The following NEXN variants were observed in gnomAD, a reference collection of about 807,000 sequenced individuals.
NEXN encodes the protein nexilin F-actin binding protein, also known as nexilin.
A neutral mutation model predicts 92.6 loss-of-function variants in NEXN; 65 were observed. The ratio of observed to expected loss-of-function variants is 0.70; its 90% confidence interval spans 0.57 to 0.86. The LOEUF is 0.86. Among genes scored for constraint, NEXN ranks in the 40% least tolerant of loss-of-function variants. The pLI is 0.00. For missense variants in NEXN, 778 were observed against 771.1 expected (o/e 1.01, Z -0.11); for synonymous variants, 254 against 242.5 (o/e 1.05, Z -0.44).
intron 9 of NEXN, chr1:77,931,827 A>G (rs979780816): frequency 6.6e-6 from 1 of 152,200 alleles, no homozygotes; most frequent in Non-Finnish European, 1.5e-5. Context: ...TAAAACTTGG[A>G]GCAAATGAAT....
At chr1:77,905,218 C>T (rs557087203) in intron 1 of NEXN, among the ~76,000 whole-genome samples, 66 of 150,860 alleles carry the variant, frequency 4.4e-4, no homozygotes, top group Non-Finnish European at 5.2e-4. Context: ...GCAGAGATTG[C>T]GCCATTGCCC....
In NEXN at chr1:77,942,081, T is replaced by C. The variant is rs781527902; in HGVS notation, c.1532T>C (p.Val511Ala). Residue 511 changes from valine to alanine, a missense_variant, in exon 12 of 13, where the codon GTG becomes GCG. Physicochemically the swap from Val to Ala is moderately conservative, Grantham distance 64 (BLOSUM62 0). Around this residue, in one of 3 missense-constraint regions of NEXN, gnomAD observed 532 missense variants for 476.7 expected, o/e 1.12. Transcript: ENST00000334785. ...AGCGAGGCTCCATTTACTCACAAAG[T>C]GAATATGAAAGCTAGATTTGAACAA... is the stretch of plus-strand genomic sequence containing the variant. ...RKSEAPFTHKVNMKARFEQMA... is the reference protein window; with the variant it reads ...RKSEAPFTHKANMKARFEQMA... The C allele has an allele frequency of 1.9e-6, 3 of 1,613,468 alleles. No individual in the cohort carries two copies. Among genetic ancestry groups the C allele is most frequent in the Non-Finnish European group, 2.5e-6 (3 of 1,179,678 alleles).
chr1:77,895,511 G>T (rs1647215647), intron 1 of NEXN, among the ~76,000 whole-genome samples: 1 of 152,194 alleles, frequency 6.6e-6, no homozygotes, highest in Admixed American at 6.5e-5. Context: ...TCCAAAGACT[G>T]TAAGAATTAG....
chr1:77,918,063 T>A (rs1649116135), intron 4 of NEXN, 25 bp downstream of exon 4: 3 of 1,612,534 alleles, frequency 1.9e-6, no homozygotes, highest in South Asian at 1.1e-5. Context: ...GGGTAAATAG[T>A]AAATTAAATT....
chr1:77,930,350 A>G (rs1273893679), intron 9 of NEXN, among the ~76,000 whole-genome samples: 1 of 152,108 alleles, frequency 6.6e-6, no homozygotes, highest in Non-Finnish European at 1.5e-5. Flanking sequence ...TACCTCCTAA[A>G]TCACTATGAA....
chr1:77,933,420 A>AC lies in NEXN; in HGVS notation c.1192_1193insC (p.Lys398ThrfsTer3). ...AAAACGACGAACAGAGGAGGAACGGAAGCATAAGCTAGAAATGGAGAAACA... is the reference window on the plus strand; with the variant it reads ...AAAACGACGAACAGAGGAGGAACGGACAGCATAAGCTAGAAATGGAGAAACA... On this transcript the variant is annotated frameshift_variant, in exon 10 of 13. Transcript: ENST00000334785. LOFTEE classifies it high-confidence loss of function. 6.2e-7 allele frequency: 1 copy of AC among 1,613,560 alleles called. No individual in the cohort carries two copies.
At position 77,943,688 on chromosome 1, in the gene NEXN, C is replaced by G. The variant is rs534638271; in HGVS notation, c.*859C>G. 4 of 152,084 alleles carry G rather than the reference C, an allele frequency of 2.6e-5. No homozygotes were observed. The East Asian group carries it at 7.7e-4, about 29-fold the overall frequency. 9.4% of individuals were successfully genotyped at this position (152,084 alleles called of 1,614,324 possible). Reference sequence around the variant, plus strand: ...TTAATAGTTCACGCAAGAGAAAACACTTTCAACATAGTCGAAGGCTTCAAG... The same window carrying G: ...TTAATAGTTCACGCAAGAGAAAACAGTTTCAACATAGTCGAAGGCTTCAAG... On this transcript the variant is annotated 3_prime_UTR_variant, in exon 13 of 13. Transcript: ENST00000334785.
intron 11 of NEXN, among the ~76,000 whole-genome samples, chr1:77,939,868 G>A (rs1279820065): frequency 1.3e-5 from 2 of 152,192 alleles, no homozygotes; most frequent in African/African-American, 4.8e-5. Context: ...GAGGTCAGGA[G>A]TTCGAGACCA....
intron 1 of NEXN, among the ~76,000 whole-genome samples, chr1:77,902,514 T>C (rs1221237561): frequency 1.3e-5 from 2 of 152,106 alleles, no homozygotes; most frequent in Non-Finnish European, 2.9e-5. Context: ...ATATGGTGAG[T>C]ACAGGTAGAA....
chr1:77,931,415 A>C (rs1571146424), intron 9 of NEXN, among the ~76,000 whole-genome samples: 1 of 7,608 alleles, frequency 1.3e-4, no homozygotes, highest in African/African-American at 7.6e-4. Context: ...TCCGTCTCAA[A>C]AAAAAAAAAA....
rs375544798 is a variant in NEXN at position 77,926,805 on chromosome 1, A to G, written c.777A>G (p.Gln259=). The change falls in exon 8 of 13, where the codon CAA becomes CAG. Residue 259 remains glutamine, a synonymous_variant. Coordinates refer to ENST00000334785, the MANE Select transcript of NEXN (RefSeq NM_144573.4). The part of the protein sequence containing the change: ...LTFEELERQR[Q]ENRKKQAEEE... The stretch of plus-strand genomic sequence containing the variant: ...TTGAAGAACTGGAGCGACAAAGACA[A>G]GAAAACCGAAAGAAGCAAGCTGAAG... 181 of 1,614,078 alleles carry G rather than the reference A, an allele frequency of 1.1e-4. No homozygotes were observed. The African/African-American group carries it at 2.1e-3, about 19-fold the overall frequency.
intron 1 of NEXN, among the ~76,000 whole-genome samples, chr1:77,896,742 G>C (rs943229045): frequency 6.6e-6 from 1 of 151,312 alleles, no homozygotes; most frequent in Non-Finnish European, 1.5e-5. Flanking sequence ...CTGGGTGACA[G>C]AGCAAGACTC....
intron 11 of NEXN, 172 bp from the exon 12 acceptor site, chr1:77,941,851 A>G: frequency 1.6e-6 from 1 of 624,800 alleles, no homozygotes; most frequent in Non-Finnish European, 2.8e-6. Flanking sequence ...AAATGTATCT[A>G]TCACTTTTCC....
chr1:77,940,052 T>C (rs1350720170), intron 11 of NEXN, among the ~76,000 whole-genome samples: 1 of 152,134 alleles, frequency 6.6e-6, no homozygotes, highest in Non-Finnish European at 1.5e-5. Flanking sequence ...CCAGCCTGGG[T>C]GACACAGCGA....
intron 5 of NEXN, among the ~76,000 whole-genome samples, chr1:77,920,696 T>G (rs1649355663): frequency 6.6e-6 from 1 of 151,786 alleles, no homozygotes; most frequent in Admixed American, 6.6e-5. Context: ...TAGAATCAAT[T>G]TGGGGAAGAA....
chr1:77,891,611 C>A (rs1486719138), intron 1 of NEXN, among the ~76,000 whole-genome samples: 1 of 151,936 alleles, frequency 6.6e-6, no homozygotes, highest in Non-Finnish European at 1.5e-5. Flanking sequence ...CTCTTTCTGG[C>A]CAAAATAGGC....
At chr1:77,927,794 G>C (rs1254347287) in intron 8 of NEXN, among the ~76,000 whole-genome samples, 1 of 150,692 alleles carries the variant, frequency 6.6e-6, no homozygotes, top group Non-Finnish European at 1.5e-5. Flanking sequence ...AAATGAAAGC[G>C]CCTACTTCTT....
chr1:77,939,724 T>C (rs1323660703), intron 11 of NEXN, among the ~76,000 whole-genome samples: 1 of 152,192 alleles, frequency 6.6e-6, no homozygotes, highest in Non-Finnish European at 1.5e-5. Context: ...TGGAGGACAA[T>C]GAAGTCCCTC....
At position 77,943,028 on chromosome 1, in the gene NEXN, A is replaced by T; in HGVS notation, c.*199A>T. 1 of 640,774 alleles carries T rather than the reference A, an allele frequency of 1.6e-6. No homozygotes were observed. The highest frequency in any genetic ancestry group is 2.8e-6 in the Non-Finnish European group (1 of 354,282). 39.7% of individuals were successfully genotyped at this position (640,774 alleles called of 1,614,324 possible). ...AGGAGTGCCACTATGCTGACTTCTT[A>T]TTCCTTTTCATAACAGTCTTCAAAG... On this transcript the variant is annotated 3_prime_UTR_variant, in exon 13 of 13. Transcript: ENST00000334785.
Sources: allele counts gnomAD v4.1 joint callset (sites outside exome capture counted in the v4.1 genomes callset), GRCh38; gene constraint gnomAD v4.1.1; regional missense constraint gnomAD v4.1.1; transcripts MANE v1.5; gene names NCBI Gene and HGNC (gene_info 2026-07-23, HGNC 2026-07-21).